Variants in SNX13 observed in about 807,000 individuals in gnomAD.
SNX13 encodes the protein sorting nexin 13.
SNX13 carries 45 observed loss-of-function variants against 133.6 expected under a neutral mutation model. The observed-to-expected ratio is 0.34, with a 90% CI of 0.27 to 0.43. The LOEUF (loss-of-function observed/expected upper bound fraction) is 0.43, where lower values mean the gene tolerates loss of function less well. Among genes scored for constraint, SNX13 ranks in the 20% least tolerant of loss-of-function variants. SNX13 has a pLI of 1.00. For missense variants in SNX13, 1,032 were observed against 1,145.1 expected (o/e 0.90, Z 1.43); for synonymous variants, 414 against 373.9 (o/e 1.11, Z -1.24).
rs1260979576 is a variant in SNX13 at position 17,794,143 on chromosome 7, G to A, written c.2776C>T (p.Arg926Cys). The change falls in exon 26 of 26, where the codon CGT (arginine) becomes TGT (cysteine). Residue 926 changes from arginine (R) to cysteine (C), a missense_variant. Arg to Cys is a radical substitution (Grantham distance 180). Coordinates refer to ENST00000428135, the MANE Select transcript of SNX13 (RefSeq NM_015132.5). ...GAATGCAGTTTGTTGAAAAGTTCAC[G>A]GAATTTATACTGTGGAAATAAGGTT... is the stretch of plus-strand genomic sequence containing the variant. ...LETLFPQYKFRELFNKLHSRS... is the reference protein window; with the variant it reads ...LETLFPQYKFCELFNKLHSRS... The A allele has an allele frequency of 1.2e-5, 19 of 1,611,506 alleles. No individual in the cohort carries two copies. The highest frequency in any genetic ancestry group is 6.6e-5 in the South Asian group (6 of 90,964).
intron 1 of SNX13, among the ~76,000 whole-genome samples, chr7:17,901,849 G>A (rs1006878872): frequency 4.6e-5 from 7 of 152,188 alleles, no homozygotes; most frequent in Non-Finnish European, 8.8e-5. Flanking sequence ...TTCCTGTGGA[G>A]AGGACAATCA....
chr7:17,899,867 G>A (rs1350322879), intron 1 of SNX13: 1 of 152,122 alleles, frequency 6.6e-6, no homozygotes, highest in African/African-American at 2.4e-5. Context: ...GCTTGTGGAT[G>A]TTCACTGATG....
chr7:17,906,127 A>C (rs185319187), intron 1 of SNX13, among the ~76,000 whole-genome samples: 10 of 152,356 alleles, frequency 6.6e-5, no homozygotes, highest in African/African-American at 2.4e-4. Flanking sequence ...AATCACAAGT[A>C]CAAGATGATT....
Position 17,873,607 on chromosome 7 carries a change from C to T in SNX13, c.674G>A (p.Arg225Lys). 6.4e-7 allele frequency: 1 copy of T among 1,556,290 alleles called. No individual in the cohort carries two copies. Among genetic ancestry groups the T allele is most frequent in the African/African-American group, 1.4e-5 (1 of 72,972 alleles). Reference sequence around the variant, plus strand: ...ATATAGTAAGACCTCACACAAATCCCTTAGGAATCCTAAAAGTAGAAAAAG... The same window carrying T: ...ATATAGTAAGACCTCACACAAATCCTTTAGGAATCCTAAAAGTAGAAAAAG... ...TSPKDEEGFL[R>K]DLCEVLLYLL... The change falls in exon 8 of 26, where the codon AGG becomes AAG. Residue 225 changes from arginine to lysine, a missense_variant. Coordinates refer to ENST00000428135, the MANE Select transcript of SNX13 (RefSeq NM_015132.5).
chr7:17,801,357 G>A (rs917129341), intron 22 of SNX13, among the ~76,000 whole-genome samples: 1 of 151,708 alleles, frequency 6.6e-6, no homozygotes, highest in Non-Finnish European at 1.5e-5. Flanking sequence ...CCTTGGTGGA[G>A]GCGAAGGTCC....
chr7:17,848,026 G>C (rs781604762), intron 11 of SNX13, among the ~76,000 whole-genome samples: 36 of 152,104 alleles, frequency 2.4e-4, no homozygotes, highest in Non-Finnish European at 5.9e-5. Context: ...TCCTAAATGA[G>C]AATTTATATC....
intron 1 of SNX13, among the ~76,000 whole-genome samples, chr7:17,937,495 C>T (rs1448517060): frequency 9.8e-6 from 1 of 102,050 alleles, no homozygotes; most frequent in African/African-American, 4.0e-5. Context: ...GCCTGGGCAA[C>T]AGGGCAAGAC....
In SNX13 at chr7:17,890,464, C is replaced by T. The variant is rs535727569; in HGVS notation, c.339G>A (p.Arg113=). 5.7e-6 allele frequency: 9 copies of T among 1,578,856 alleles called. No individual in the cohort carries two copies. The highest frequency in any genetic ancestry group is 1.7e-4 in the Middle Eastern group (1 of 5,930). ...TATAATACCAATACTGGACATAATC[C>T]CTCAAGGAAAACTGGATAACCTATA... ...PLQQVIQFSL[R]DYVQYWYYTL... Residue 113 remains arginine (R), a synonymous_variant, in exon 5 of 26, where the codon AGG becomes AGA. Transcript: ENST00000428135.
At position 17,794,149 on chromosome 7, in the gene SNX13, T is replaced by C. The variant is rs1198249217; in HGVS notation, c.2770A>G (p.Lys924Glu). Reference sequence around the variant, plus strand: ...AGTTTGTTGAAAAGTTCACGGAATTTATACTGTGGAAATAAGGTTTCTAAA... The same window carrying C: ...AGTTTGTTGAAAAGTTCACGGAATTCATACTGTGGAAATAAGGTTTCTAAA... The part of the protein sequence containing the change: ...GFLETLFPQY[K>E]FRELFNKLHS... Residue 924 changes from lysine to glutamate, a missense_variant, in exon 26 of 26, where the codon AAA becomes GAA. Physicochemically the swap from Lys to Glu is moderately conservative, Grantham distance 56. Coordinates refer to ENST00000428135, the MANE Select transcript of SNX13 (RefSeq NM_015132.5). 1 of 1,611,696 alleles carries C rather than the reference T, an allele frequency of 6.2e-7. No individual in the cohort carries two copies. The highest frequency in any genetic ancestry group is 8.5e-7 in the Non-Finnish European group (1 of 1,178,484).
At chr7:17,891,073 AT>A (rs1453238425) in intron 4 of SNX13, among the ~76,000 whole-genome samples, 1 of 151,974 alleles carries the variant, frequency 6.6e-6, no homozygotes, top group Non-Finnish European at 1.5e-5. Flanking sequence ...AAATGTTAAA[AT>A]TCTAAAGTAC....
At chr7:17,832,551 C>T in intron 15 of SNX13, 1 of 906,822 alleles carries the variant, frequency 1.1e-6, no homozygotes, top group Non-Finnish European at 1.3e-6. Flanking sequence ...TTATAATAGT[C>T]ATTTTAGGAT....
intron 8 of SNX13, among the ~76,000 whole-genome samples, chr7:17,870,608 T>G (rs1351384975): frequency 6.6e-6 from 1 of 152,220 alleles, no homozygotes; most frequent in African/African-American, 2.4e-5. Flanking sequence ...CAACTTAATC[T>G]TCAAGAAGCT....
intron 9 of SNX13, among the ~76,000 whole-genome samples, chr7:17,853,976 A>G (rs965669689): frequency 2.0e-4 from 30 of 150,894 alleles, no homozygotes; most frequent in African/African-American, 7.4e-4. Context: ...AAGAAAAAAG[A>G]AAAGAAAATT....
intron 11 of SNX13, among the ~76,000 whole-genome samples, chr7:17,847,545 T>C (rs1026836633): frequency 2.0e-5 from 3 of 152,150 alleles, no homozygotes; most frequent in African/African-American, 4.8e-5. Flanking sequence ...TGTAAAATTA[T>C]AAGACCAGAG....
chr7:17,801,504 T>G (rs1422589387), intron 22 of SNX13, 84 bp downstream of exon 22: 7 of 969,284 alleles, frequency 7.2e-6, no homozygotes, highest in Non-Finnish European at 1.1e-5. Context: ...ACATTAATGA[T>G]ACATAGAACA....
chr7:17,835,421 C>G (rs1158790926), intron 13 of SNX13, among the ~76,000 whole-genome samples: 6 of 151,766 alleles, frequency 4.0e-5, no homozygotes, highest in Non-Finnish European at 8.8e-5. Flanking sequence ...CAGCAAAGTT[C>G]CAGTGTGATA....
At chr7:17,913,032 C>T (rs933781518) in intron 1 of SNX13, among the ~76,000 whole-genome samples, 15 of 152,166 alleles carry the variant, frequency 9.9e-5, no homozygotes, top group Admixed American at 9.8e-4. Context: ...TGCTGGGCAC[C>T]CCAGTCTGCT....
chr7:17,866,623 G>A (rs185832589), intron 9 of SNX13, among the ~76,000 whole-genome samples: 16 of 152,214 alleles, frequency 1.1e-4, no homozygotes, highest in African/African-American at 3.6e-4. Context: ...ACCATGCACA[G>A]CAGGCCAAAT....
rs1382764754 is a variant in SNX13, at chr7:17,793,454, T to A, written c.*591A>T. On this transcript the variant is annotated 3_prime_UTR_variant, in exon 26 of 26. Transcript: ENST00000428135. ...TGATTGGTTTTATTTTATACTCAGC[T>A]TTATTTTATATCACAAAACTGTAAT... The A allele has an allele frequency of 5.9e-5, 9 of 151,862 alleles. No homozygotes were observed. Among genetic ancestry groups the A allele is most frequent in the Admixed American group, 5.9e-4 (9 of 15,194 alleles). The allele number at this position is 151,862 out of a possible 1,614,324, so 9.4% of individuals were successfully genotyped here. A position where few individuals can be genotyped will look rare whatever the true frequency, so the allele number is the denominator to read the frequency against.
Sources: allele counts gnomAD v4.1 joint callset (sites outside exome capture counted in the v4.1 genomes callset), GRCh38; gene constraint gnomAD v4.1.1; transcripts MANE v1.5; gene names NCBI Gene and HGNC (gene_info 2026-07-23, HGNC 2026-07-21).